Variants in PRKCE observed in about 807,000 individuals in gnomAD.
PRKCE encodes the protein protein kinase C epsilon, also known as protein kinase C epsilon type.
A neutral mutation model predicts 85.4 loss-of-function variants in PRKCE; 16 were observed. The ratio of observed to expected loss-of-function variants is 0.19; its 90% confidence interval spans 0.13 to 0.28. The LOEUF (loss-of-function observed/expected upper bound fraction) is 0.28, where lower values mean the gene tolerates loss of function less well. PRKCE is among the 10% of genes least tolerant of loss of function. The pLI is 1.00. For missense variants in PRKCE, 573 were observed against 975.2 expected (o/e 0.59, Z 5.49); for synonymous variants, 388 against 371.5 (o/e 1.04, Z -0.51).
At chr2:45,702,729 TAA>T (rs1678753884) in intron 1 of PRKCE, among the ~76,000 whole-genome samples, 1 of 152,154 alleles carries the variant, frequency 6.6e-6, no homozygotes, top group Non-Finnish European at 1.5e-5. Flanking sequence ...CCCCAGCATA[TAA>T]AGTGAATCTA....
At chr2:45,943,389 A>G (rs1168285366) in intron 2 of PRKCE, among the ~76,000 whole-genome samples, 2 of 152,228 alleles carry the variant, frequency 1.3e-5, no homozygotes, top group African/African-American at 4.8e-5. Flanking sequence ...CATCTGCCAA[A>G]AGAGGGATAG....
chr2:45,938,127 G>T (rs1699609727), intron 2 of PRKCE, among the ~76,000 whole-genome samples: 2 of 152,178 alleles, frequency 1.3e-5, no homozygotes, highest in African/African-American at 4.8e-5. Flanking sequence ...CAGAAATGAA[G>T]AATTAAAGAC....
intron 6 of PRKCE, among the ~76,000 whole-genome samples, chr2:45,992,215 G>GT (rs1282583321): frequency 2.0e-5 from 3 of 152,144 alleles, no homozygotes; most frequent in Non-Finnish European, 1.5e-5. Flanking sequence ...ATCCTTTGCA[G>GT]TAACATCCAC....
intron 1 of PRKCE, among the ~76,000 whole-genome samples, chr2:45,710,607 A>G (rs1420026906): frequency 6.6e-6 from 1 of 152,236 alleles, no homozygotes; most frequent in Admixed American, 6.5e-5. Context: ...CAGGATTCCC[A>G]GTCCCAAGAA....
intron 1 of PRKCE, among the ~76,000 whole-genome samples, chr2:45,660,480 C>T (rs1243411454): frequency 1.3e-5 from 2 of 152,156 alleles, no homozygotes; most frequent in African/African-American, 2.4e-5. Flanking sequence ...GAAAAAGGCC[C>T]ACTTGTCCTC....
chr2:45,870,855 T>G (rs1251867512), intron 2 of PRKCE, among the ~76,000 whole-genome samples: 1 of 152,138 alleles, frequency 6.6e-6, no homozygotes. Context: ...ACTGGGCACA[T>G]AGTGAGCGCT....
At chr2:45,692,483 C>A (rs965803145) in intron 1 of PRKCE, among the ~76,000 whole-genome samples, 1 of 152,146 alleles carries the variant, frequency 6.6e-6, no homozygotes, top group Non-Finnish European at 1.5e-5. Flanking sequence ...ACCCTAATGA[C>A]CTCATCTGAA....
At chr2:45,744,549 T>TCTTTCTTTCTTC (rs1553397822) in intron 1 of PRKCE, among the ~76,000 whole-genome samples, 11 of 84,146 alleles carry the variant, frequency 1.3e-4, no homozygotes, top group African/African-American at 5.5e-4. Context: ...TTTCTTTCTT[T>TCTTTCTTTCTTC]CTTCCTTCCT....
intron 1 of PRKCE, among the ~76,000 whole-genome samples, chr2:45,684,660 C>T (rs1211462974): frequency 1.3e-5 from 2 of 152,228 alleles, no homozygotes; most frequent in Non-Finnish European, 2.9e-5. Context: ...TTTCCTGCAT[C>T]TGGGCGCCTA....
chr2:45,986,006 AAAGAT>A (rs2104606176), intron 6 of PRKCE, among the ~76,000 whole-genome samples: 1 of 152,376 alleles, frequency 6.6e-6, no homozygotes, highest in South Asian at 2.1e-4. Context: ...GAAAAAAGTC[AAAGAT>A]AACACCATGA....
intron 11 of PRKCE, among the ~76,000 whole-genome samples, chr2:46,111,345 C>A (rs1165959864): frequency 6.6e-6 from 1 of 152,158 alleles, no homozygotes; most frequent in Non-Finnish European, 1.5e-5. Context: ...AGATATAATT[C>A]ACATACTATA....
intron 2 of PRKCE, among the ~76,000 whole-genome samples, chr2:45,847,581 G>A (rs1218382215): frequency 6.6e-6 from 1 of 152,098 alleles, no homozygotes; most frequent in Non-Finnish European, 1.5e-5. Flanking sequence ...CCATGTGGGA[G>A]ATGGTGAAAT....
At chr2:46,051,966 T>C (rs775739606) in intron 10 of PRKCE, among the ~76,000 whole-genome samples, 3 of 152,088 alleles carry the variant, frequency 2.0e-5, no homozygotes, top group Non-Finnish European at 4.4e-5. Context: ...AAGAACAGCA[T>C]GGGGAAAACC....
intron 2 of PRKCE, among the ~76,000 whole-genome samples, chr2:45,976,201 A>G (rs1306633414): frequency 2.0e-5 from 3 of 152,140 alleles, no homozygotes; most frequent in African/African-American, 7.2e-5. Flanking sequence ...GAATCTGAGG[A>G]TATAGCAGGA....
intron 10 of PRKCE, among the ~76,000 whole-genome samples, chr2:46,052,266 A>G (rs1395689199): frequency 6.6e-6 from 1 of 152,228 alleles, no homozygotes; most frequent in East Asian, 1.9e-4. Context: ...CATGCAAAAG[A>G]AGCTACTAGA....
At chr2:45,829,832 G>C (rs1415065419) in intron 1 of PRKCE, among the ~76,000 whole-genome samples, 1 of 152,032 alleles carries the variant, frequency 6.6e-6, no homozygotes, top group Non-Finnish European at 1.5e-5. Context: ...CCAGCACTTT[G>C]GGAGGCCGAG....
chr2:45,868,475 C>T (rs1693807047), intron 2 of PRKCE, among the ~76,000 whole-genome samples: 1 of 151,242 alleles, frequency 6.6e-6, no homozygotes, highest in Non-Finnish European at 1.5e-5. Context: ...AGGCACCTGC[C>T]ACCACGCCTG....
intron 2 of PRKCE, among the ~76,000 whole-genome samples, chr2:45,926,528 C>T (rs1338265430): frequency 1.3e-5 from 2 of 152,170 alleles, no homozygotes; most frequent in African/African-American, 2.4e-5. Flanking sequence ...TATTACATAG[C>T]TCTTCCATAC....
At chr2:45,656,647 TATAG>T (rs1675392661) in intron 1 of PRKCE, among the ~76,000 whole-genome samples, 1 of 152,236 alleles carries the variant, frequency 6.6e-6, no homozygotes. Context: ...TATAGATTTA[TATAG>T]ATCCATATAG....
Sources: gnomAD v4.1 joint callset for allele counts (sites outside exome capture counted in the v4.1 genomes callset) on GRCh38, gnomAD v4.1.1 for gene constraint, MANE v1.5 for transcripts, NCBI Gene and HGNC (gene_info 2026-07-23, HGNC 2026-07-21) for gene names.